The following HIP1 variants were observed in gnomAD, a reference collection of about 807,000 sequenced individuals.
HIP1 encodes huntingtin interacting protein 1.
A neutral mutation model predicts 147.6 loss-of-function variants in HIP1; 65 were observed. The observed-to-expected ratio is 0.44, with a 90% CI of 0.36 to 0.54. The LOEUF is 0.54. HIP1 is among the 20% of genes least tolerant of loss of function. The pLI is 0.00. For missense variants in HIP1, 1,061 were observed against 1,299.6 expected (o/e 0.82, Z 2.82); for synonymous variants, 479 against 504.0 (o/e 0.95, Z 0.67).
intron 1 of HIP1, among the ~76,000 whole-genome samples, chr7:75,708,149 A>G (rs531021272): frequency 1.4e-4 from 22 of 152,244 alleles, no homozygotes; most frequent in African/African-American, 4.8e-4. Context: ...AAACTACCAT[A>G]TATCTTCTTT....
chr7:75,729,824 G>A (rs1410453839), intron 1 of HIP1, among the ~76,000 whole-genome samples: 1 of 152,068 alleles, frequency 6.6e-6, no homozygotes, highest in African/African-American at 2.4e-5. Flanking sequence ...TCACAGTGTT[G>A]GATTTGAGGG....
intron 1 of HIP1, among the ~76,000 whole-genome samples, chr7:75,601,065 A>G (rs1206192879): frequency 3.3e-5 from 5 of 152,022 alleles, no homozygotes; most frequent in Non-Finnish European, 7.3e-5. Context: ...GCCAGGAATT[A>G]CCTTTAAACT....
At chr7:75,610,298 G>T (rs587743400) in intron 1 of HIP1, among the ~76,000 whole-genome samples, 1 of 148,492 alleles carries the variant, frequency 6.7e-6, no homozygotes, top group African/African-American at 2.5e-5. Flanking sequence ...AGCCTTGAAC[G>T]CCTGTGCTCA....
intron 1 of HIP1, among the ~76,000 whole-genome samples, chr7:75,665,804 G>A (rs1352940339): frequency 1.3e-5 from 2 of 152,116 alleles, no homozygotes; most frequent in Non-Finnish European, 2.9e-5. Flanking sequence ...GCCTCCCAAA[G>A]TGCTGGGATT....
Position 75,715,234 on chromosome 7 carries a change from T to G in HIP1, c.120+23567A>C, listed in dbSNP as rs552920455. On this transcript the variant is annotated intron_variant, in intron 1 of 30. Transcript: ENST00000336926. The stretch of plus-strand genomic sequence containing the variant: ...GCGAGACCCTATCTCTGCCAAAAAA[T>G]TAAAAACTTCGCTGGGCATGGCAGT... Among the ~76,000 whole-genome samples the G allele has an allele frequency of 1.9e-4, 28 of 148,318 alleles. No homozygotes were observed. In the South Asian group the frequency reaches 5.6e-3, roughly 30 times the overall value.
At chr7:75,612,861 T>C (rs1386876384) in intron 1 of HIP1, among the ~76,000 whole-genome samples, 3 of 152,016 alleles carry the variant, frequency 2.0e-5, no homozygotes, top group Non-Finnish European at 2.9e-5. Flanking sequence ...CCCAGTACTT[T>C]GAGAGGCCGA....
intron 1 of HIP1, among the ~76,000 whole-genome samples, chr7:75,669,252 A>T (rs1799661184): frequency 6.6e-6 from 1 of 152,086 alleles, no homozygotes; most frequent in South Asian, 2.1e-4. Flanking sequence ...GGGCGCCTGT[A>T]GTCCCAGCTA....
intron 5 of HIP1, among the ~76,000 whole-genome samples, chr7:75,585,611 G>A (rs748686233): frequency 4.7e-5 from 7 of 149,758 alleles, no homozygotes; most frequent in South Asian, 2.1e-4. Flanking sequence ...CTGCTTCTTC[G>A]CCTTGCAATC....
At chr7:75,664,015 TAC>T (rs1368327740) in intron 1 of HIP1, among the ~76,000 whole-genome samples, 1 of 23,954 alleles carries the variant, frequency 4.2e-5, no homozygotes, top group African/African-American at 5.3e-4. Context: ...TGTATATATA[TAC>T]ACATATATGT....
intron 1 of HIP1, among the ~76,000 whole-genome samples, chr7:75,631,878 G>C (rs150556410): frequency 7.2e-5 from 11 of 152,044 alleles, no homozygotes; most frequent in Non-Finnish European, 1.3e-4. Flanking sequence ...CCAGCTGCGC[G>C]TGTGTTGTGG....
chr7:75,623,695 C>G (rs1179621), intron 1 of HIP1, among the ~76,000 whole-genome samples: 6,237 of 152,276 alleles, frequency 0.041, 251 homozygotes, highest in African/African-American at 0.096. Context: ...CTCCTCTTCT[C>G]CAGCCCAGTT....
chr7:75,564,131 A>G (rs957937871), intron 9 of HIP1, among the ~76,000 whole-genome samples: 30 of 151,990 alleles, frequency 2.0e-4, no homozygotes, highest in Admixed American at 1.7e-3. Context: ...GCTTCAAGCA[A>G]TCCTACTGCC....
At chr7:75,585,939 C>A (rs186467187) in intron 5 of HIP1, among the ~76,000 whole-genome samples, 100 of 152,102 alleles carry the variant, frequency 6.6e-4, no homozygotes, top group Middle Eastern at 3.4e-3. Context: ...CTCAGCCTCC[C>A]GAGTAGCTGG....
intron 1 of HIP1, among the ~76,000 whole-genome samples, chr7:75,604,870 T>C (rs971501959): frequency 5.9e-5 from 9 of 152,176 alleles, no homozygotes; most frequent in Admixed American, 2.0e-4. Context: ...AAAAATCTTA[T>C]AGTAACAAAT....
Position 75,592,371 on chromosome 7 carries a change from C to A in HIP1, c.327+1G>T, listed in dbSNP as rs782763708. Reference sequence around the variant, plus strand: ...GCCACCCCATAGCCCCAGGAACTCACGTTCGGGTGTCCATCTCGGAGGAGT... The same window carrying A: ...GCCACCCCATAGCCCCAGGAACTCAAGTTCGGGTGTCCATCTCGGAGGAGT... On this transcript the variant is annotated splice_donor_variant, in intron 3 of 30. Coordinates refer to ENST00000336926, the MANE Select transcript of HIP1 (RefSeq NM_005338.7). LOFTEE classifies it high-confidence loss of function. The A allele has an allele frequency of 6.2e-7, 1 of 1,603,570 alleles. No individual in the cohort carries two copies. The highest frequency in any genetic ancestry group is 8.5e-7 in the Non-Finnish European group (1 of 1,176,092).
At position 75,586,688 on chromosome 7, in the gene HIP1, G is replaced by C. The variant is rs1796298364; in HGVS notation, c.465+65C>G. 8.2e-6 allele frequency: 8 copies of C among 978,320 alleles called. No individual in the cohort carries two copies. In the Admixed American group the frequency reaches 1.3e-4, roughly 15 times the overall value. The allele number at this position is 978,320 out of a possible 1,614,324, so 60.6% of individuals were successfully genotyped here. ...TGAAAGAGCTGACAAATGAGCCCAG[G>C]GAGGGGCTGAAGGGATGGAGCAGGG... is the stretch of plus-strand genomic sequence containing the variant. On this transcript the variant is annotated intron_variant, in intron 5 of 30. Transcript: ENST00000336926.
At chr7:75,656,961 G>A (rs887470119) in intron 1 of HIP1, among the ~76,000 whole-genome samples, 12 of 152,176 alleles carry the variant, frequency 7.9e-5, no homozygotes, top group Non-Finnish European at 1.5e-4. Context: ...AATGAGCCAC[G>A]TTCAAGGACA....
chr7:75,660,964 T>C (rs1180337313), intron 1 of HIP1, among the ~76,000 whole-genome samples: 1 of 152,008 alleles, frequency 6.6e-6, no homozygotes, highest in Non-Finnish European at 1.5e-5. Context: ...GAGCAGTCAC[T>C]GCAGGCAGCA....
In HIP1 at chr7:75,533,642, T is replaced by A. The variant is rs587660265; in HGVS notation, c.*4530A>T. ...CCTATGAGTGGTAATCAGTTTCATT[T>A]AGGGCCTTCAAACCTGAGGTAGTTG... On this transcript the variant is annotated 3_prime_UTR_variant, in exon 31 of 31. Coordinates refer to ENST00000336926, the MANE Select transcript of HIP1 (RefSeq NM_005338.7). The A allele has an allele frequency of 4.3e-6, 1 of 232,658 alleles. No individual in the cohort carries two copies. The highest frequency in any genetic ancestry group is 6.1e-5 in the East Asian group (1 of 16,492). The allele number at this position is 232,658 out of a possible 1,614,324, so 14.4% of individuals were successfully genotyped here. A position where few individuals can be genotyped will look rare whatever the true frequency, so the allele number is the denominator to read the frequency against.
Sources: gnomAD v4.1 joint callset for allele counts (sites outside exome capture counted in the v4.1 genomes callset) on GRCh38, gnomAD v4.1.1 for gene constraint, MANE v1.5 for transcripts, NCBI Gene and HGNC (gene_info 2026-07-23, HGNC 2026-07-21) for gene names.